PCYT1B: variants seen among roughly 807,000 people sequenced by gnomAD.
The protein encoded by PCYT1B is phosphate cytidylyltransferase 1B, choline, also known as choline-phosphate cytidylyltransferase B.
In PCYT1B, 10 loss-of-function variants were observed where a neutral mutation model predicts 26.4. That is an observed-to-expected ratio of 0.38 (90% CI 0.23 to 0.64). PCYT1B has a LOEUF of 0.64. Among genes scored for constraint, PCYT1B ranks in the 30% least tolerant of loss-of-function variants. The pLI is 0.56. For synonymous variants in PCYT1B, 131 were observed against 108.4 expected (o/e 1.21, Z -1.29); for missense variants, 161 against 292.7 (o/e 0.55, Z 3.28).
intron 1 of PCYT1B, among the ~76,000 whole-genome samples, chrX:24,659,815 T>C (rs1300274254): frequency 5.5e-4 from 61 of 111,615 alleles, no homozygotes; most frequent in Non-Finnish European, 9.4e-5. Flanking sequence ...CTCTCCTGTG[T>C]TAATGACTTT....
intron 4 of PCYT1B, among the ~76,000 whole-genome samples, 162 bp from the exon 5 acceptor site, chrX:24,587,481 C>G (rs112817148): frequency 8.9e-5 from 10 of 112,109 alleles, no homozygotes; most frequent in African/African-American, 2.3e-4. Context: ...GTATTTCCAA[C>G]TATTTTCATT....
Position 24,579,428 on chromosome X carries a change from C to A in PCYT1B, c.596G>T (p.Gly199Val). Residue 199 changes from glycine (G) to valine (V), a missense_variant, in exon 6 of 8, where the codon GGC becomes GTC. By Grantham distance (109) the Gly-to-Val change is moderately radical. Transcript: ENST00000379144. ...GGTAATGATGTCCGATGTTGAGATG[C>A]CTTCTGTTCTCTGCGTTGGAACGAA... is the stretch of plus-strand genomic sequence containing the variant. ...GMFVPTQRTE[G>V]ISTSDIITRI... 8.3e-7 allele frequency: 1 copy of A among 1,209,700 alleles called. No homozygotes were observed. Among genetic ancestry groups the A allele is most frequent in the Non-Finnish European group, 1.1e-6 (1 of 894,026 alleles).
At chrX:24,631,350 GT>G (rs1926086625) in intron 1 of PCYT1B, among the ~76,000 whole-genome samples, 2 of 111,617 alleles carry the variant, frequency 1.8e-5, no homozygotes, top group Non-Finnish European at 3.8e-5. Context: ...TGAAAATACA[GT>G]TTTTTTCTCC....
chrX:24,633,041 C>T (rs1185557130), intron 1 of PCYT1B, among the ~76,000 whole-genome samples: 1 of 107,099 alleles, frequency 9.3e-6, no homozygotes, highest in African/African-American at 3.4e-5. Flanking sequence ...GAAACCGGGT[C>T]TCTACTAAAA....
chrX:24,668,667 C>A (rs979607627), intron 1 of PCYT1B, among the ~76,000 whole-genome samples: 4 of 108,813 alleles, frequency 3.7e-5, no homozygotes, highest in African/African-American at 1.3e-4. Flanking sequence ...TGCTACCATT[C>A]TACTTTAATA....
At position 24,559,475 on chromosome X, in the gene PCYT1B, A is replaced by AAAAG. The variant is rs1359143746; in HGVS notation, c.*2814_*2817dup. 1.8e-4 allele frequency: 19 copies of AAAAG among 104,266 alleles called. No homozygotes were observed. Among genetic ancestry groups the AAAAG allele is most frequent in the African/African-American group, 5.9e-4 (17 of 28,977 alleles). The allele number at this position is 104,266 out of a possible 1,213,427, so 8.6% of individuals were successfully genotyped here. ...AGAGAGAAAGAAAGAGAAAGAAAGTAAAAGAAAGAAAGAAAGAAAAGCGGA... is the reference window on the plus strand; with the variant it reads ...AGAGAGAAAGAAAGAGAAAGAAAGTAAAAGAAAGAAAGAAAGAAAGAAAAGCGGA... On this transcript the variant is annotated 3_prime_UTR_variant, in exon 8 of 8. Coordinates refer to ENST00000379144, the MANE Select transcript of PCYT1B (RefSeq NM_004845.5).
In PCYT1B at chrX:24,670,075, A is replaced by T. The variant is rs752067154; in HGVS notation, c.63+2495T>A. Among the ~76,000 whole-genome samples the T allele has an allele frequency of 8.6e-4, 70 of 81,013 alleles. 1 individual carries two copies. Among genetic ancestry groups the T allele is most frequent in the South Asian group, 2.2e-3 (3 of 1,339 alleles). 70.4% of individuals were successfully genotyped at this position (81,013 alleles called of 115,157 possible). A position where few individuals can be genotyped will look rare whatever the true frequency, so the allele number is the denominator to read the frequency against. ...AAGAAAGAAAGAAAGAAAGAAAGAA[A>T]GAAAGAAAGAAAGAAAGAAAGAAAG... is the stretch of plus-strand genomic sequence containing the variant. On this transcript the variant is annotated intron_variant, in intron 1 of 7. Coordinates refer to the PCYT1B transcript ENST00000379145.
chrX:24,618,233 C>CT (rs775903849), intron 2 of PCYT1B, among the ~76,000 whole-genome samples: 1 of 112,114 alleles, frequency 8.9e-6, no homozygotes, highest in Admixed American at 9.5e-5. Flanking sequence ...ACACTAGAAA[C>CT]TTTTTTTAAA....
chrX:24,642,298 G>A (rs1052914719), intron 1 of PCYT1B, among the ~76,000 whole-genome samples: 7 of 112,205 alleles, frequency 6.2e-5, no homozygotes, highest in Non-Finnish European at 1.3e-4. Context: ...GGGGATGGTA[G>A]GGGTTGGTAA....
At chrX:24,640,008 GA>G (rs1166778238) in intron 1 of PCYT1B, among the ~76,000 whole-genome samples, 5 of 111,661 alleles carry the variant, frequency 4.5e-5, no homozygotes, top group African/African-American at 1.3e-4. Flanking sequence ...TGGATGAAAG[GA>G]ATGAGAAATA....
chrX:24,613,950 C>CAAAAAAAA (rs200062439), intron 2 of PCYT1B, among the ~76,000 whole-genome samples: 73 of 77,147 alleles, frequency 9.5e-4, no homozygotes, highest in Non-Finnish European at 1.5e-3. Flanking sequence ...AACAACCTGT[C>CAAAAAAAA]AAAAAAAAAA....
At chrX:24,656,957 T>C (rs1461669802) in intron 1 of PCYT1B, among the ~76,000 whole-genome samples, 1 of 111,922 alleles carries the variant, frequency 8.9e-6, no homozygotes, top group Non-Finnish European at 1.9e-5. Flanking sequence ...ATCAGTTGTA[T>C]ATATGATATA....
chrX:24,671,370 C>T (rs1927252556), intron 1 of PCYT1B, among the ~76,000 whole-genome samples: 1 of 109,877 alleles, frequency 9.1e-6, no homozygotes, highest in African/African-American at 3.3e-5. Context: ...TCAATGCCTC[C>T]TGATTCCCCC....
chrX:24,656,650 G>A (rs370179574), intron 1 of PCYT1B, among the ~76,000 whole-genome samples: 3 of 94,789 alleles, frequency 3.2e-5, no homozygotes, highest in Non-Finnish European at 4.1e-5. Flanking sequence ...TCTGCCTTCC[G>A]GTTCAAGCAG....
At chrX:24,587,089 C>G in intron 5 of PCYT1B, 152 bp downstream of exon 5, 1 of 444,631 alleles carries the variant, frequency 2.2e-6, no homozygotes, top group Non-Finnish European at 4.0e-6. Flanking sequence ...TTAGCACATG[C>G]TAACAGTGGC....
intron 1 of PCYT1B, among the ~76,000 whole-genome samples, chrX:24,661,051 T>A (rs1260403534): frequency 3.6e-5 from 4 of 111,873 alleles, no homozygotes; most frequent in African/African-American, 1.3e-4. Context: ...ATATTATCCT[T>A]TTTAAAAAAA....
intron 6 of PCYT1B, among the ~76,000 whole-genome samples, chrX:24,576,049 C>T (rs2148225073): frequency 8.9e-6 from 1 of 112,389 alleles, no homozygotes; most frequent in East Asian, 2.8e-4. Flanking sequence ...ATAATCATCC[C>T]TACCTTAGGG....
chrX:24,653,732 A>G (rs1426679827), intron 1 of PCYT1B, among the ~76,000 whole-genome samples: 2 of 110,072 alleles, frequency 1.8e-5, no homozygotes, highest in African/African-American at 6.6e-5. Context: ...TCAAGATACC[A>G]TTAAGGTGCC....
At chrX:24,592,777 C>T (rs1189407076) in intron 3 of PCYT1B, among the ~76,000 whole-genome samples, 1 of 111,848 alleles carries the variant, frequency 8.9e-6, no homozygotes, top group Non-Finnish European at 1.9e-5. Flanking sequence ...CCCAGCTCCC[C>T]GGCCTTGCAG....
Sources: gnomAD v4.1 joint callset for allele counts (sites outside exome capture counted in the v4.1 genomes callset) on GRCh38, gnomAD v4.1.1 for gene constraint, MANE v1.5 for transcripts, NCBI Gene and HGNC (gene_info 2026-07-23, HGNC 2026-07-21) for gene names.